ANO3: variants seen among roughly 807,000 people sequenced by gnomAD.
ANO3 encodes the protein anoctamin-3.
Under a neutral mutation model 144.8 loss-of-function variants are expected in ANO3, and 99 were observed. That is an observed-to-expected ratio of 0.68 (90% CI 0.58 to 0.81). The LOEUF (loss-of-function observed/expected upper bound fraction) is 0.81. Among genes scored for constraint, ANO3 ranks in the 30% least tolerant of loss-of-function variants. ANO3 has a pLI of 0.00. For synonymous variants in ANO3, 414 were observed against 392.6 expected (o/e 1.05, Z -0.64); for missense variants, 905 against 1,202.2 (o/e 0.75, Z 3.66).
At chr11:26,513,017 A>G (rs1397435884) in intron 5 of ANO3, among the ~76,000 whole-genome samples, 1 of 152,222 alleles carries the variant, frequency 6.6e-6, no homozygotes, top group Non-Finnish European at 1.5e-5. Flanking sequence ...AAAACAAAGA[A>G]TCTTCTCTCT....
At chr11:26,438,739 C>T (rs1430011811) in intron 1 of ANO3, among the ~76,000 whole-genome samples, 6 of 149,046 alleles carry the variant, frequency 4.0e-5, no homozygotes, top group African/African-American at 7.4e-5. Flanking sequence ...GATCGCACCA[C>T]TGCACTCCAA....
chr11:26,256,462 A>G (rs1402228544), intron 1 of ANO3, among the ~76,000 whole-genome samples: 1 of 152,152 alleles, frequency 6.6e-6, no homozygotes, highest in African/African-American at 2.4e-5. Flanking sequence ...TAGATTAATA[A>G]GAAACTTGGT....
At chr11:26,405,341 A>G (rs1177051948) in intron 1 of ANO3, among the ~76,000 whole-genome samples, 1 of 151,766 alleles carries the variant, frequency 6.6e-6, no homozygotes, top group Non-Finnish European at 1.5e-5. Flanking sequence ...CATCTCACAA[A>G]TTTCATTCTT....
intron 4 of ANO3, among the ~76,000 whole-genome samples, chr11:26,483,445 GATA>G (rs1300415248): frequency 6.6e-6 from 1 of 152,114 alleles, no homozygotes; most frequent in Non-Finnish European, 1.5e-5. Context: ...CTGTTCTCAT[GATA>G]ATGAGTTCTC....
intron 4 of ANO3, among the ~76,000 whole-genome samples, chr11:26,487,675 C>T (rs1313835657): frequency 3.3e-5 from 5 of 152,048 alleles, no homozygotes; most frequent in African/African-American, 7.2e-5. Flanking sequence ...GAGGTGGTCT[C>T]AGATGGAGAT....
chr11:26,624,439 CTATG>C lies in ANO3; in HGVS notation c.1837-19_1837-16del, dbSNP rs1565149942. On this transcript the variant is annotated intron_variant, in intron 17 of 26. Transcript: ENST00000256737. ...TTCCAAAAGAGAGGAATAATGTTCA[CTATG>C]TATTCTCTTTTATTACAGGCTTATG... 6.4e-7 allele frequency: 1 copy of C among 1,561,778 alleles called. No homozygotes were observed. The highest frequency in any genetic ancestry group is 8.8e-7 in the Non-Finnish European group (1 of 1,134,868).
chr11:26,475,004 T>C (rs1226381960), intron 4 of ANO3, among the ~76,000 whole-genome samples: 2 of 151,930 alleles, frequency 1.3e-5, no homozygotes, highest in African/African-American at 4.8e-5. Context: ...TCATAGTGTA[T>C]GCTTCATCAC....
At chr11:26,460,314 T>C (rs1387426242) in intron 3 of ANO3, among the ~76,000 whole-genome samples, 3 of 151,580 alleles carry the variant, frequency 2.0e-5, no homozygotes, top group Non-Finnish European at 4.4e-5. Flanking sequence ...GCACGTTTGT[T>C]ACATGGGTAA....
chr11:26,207,585 C>T (rs1851831157), intron 1 of ANO3, among the ~76,000 whole-genome samples: 1 of 151,912 alleles, frequency 6.6e-6, no homozygotes. Flanking sequence ...ATTTAATCCT[C>T]GTAACGACCA....
At chr11:26,571,312 A>G (rs758540303) in intron 14 of ANO3, among the ~76,000 whole-genome samples, 1 of 152,138 alleles carries the variant, frequency 6.6e-6, no homozygotes, top group Non-Finnish European at 1.5e-5. Context: ...ATAAATGGAA[A>G]TCAGCATCCT....
At chr11:26,356,147 A>G (rs745603112) in intron 1 of ANO3, among the ~76,000 whole-genome samples, 15 of 152,034 alleles carry the variant, frequency 9.9e-5, no homozygotes, top group Non-Finnish European at 2.1e-4. Context: ...CCACTCATCT[A>G]TATATTCCAA....
rs751558588 is a variant in ANO3, at chr11:26,541,938, C to G, written c.1033-9C>G. On this transcript the variant is annotated splice_polypyrimidine_tract_variant and intron_variant, in intron 10 of 26. Coordinates refer to ENST00000256737, the MANE Select transcript of ANO3 (RefSeq NM_031418.4). ...TAGAACCAAATGTATCTTACTTTATCTGTTGCAGGGAGCCTACAAAAGTAG... is the reference window on the plus strand; with the variant it reads ...TAGAACCAAATGTATCTTACTTTATGTGTTGCAGGGAGCCTACAAAAGTAG... The G allele has an allele frequency of 1.7e-5, 28 of 1,603,460 alleles. No homozygotes were observed. The Admixed American group carries it at 4.8e-4, about 28-fold the overall frequency.
At chr11:26,539,946 T>A (rs11823219) in intron 10 of ANO3, among the ~76,000 whole-genome samples, 32,302 of 152,098 alleles carry the variant, frequency 0.21, 3,655 homozygotes, top group South Asian at 0.29. Context: ...GATAGAGCCA[T>A]ACATTGGAGT....
intron 1 of ANO3, among the ~76,000 whole-genome samples, chr11:26,237,243 CAACCTACAAAATCTTTTGT>C (rs2133807878): frequency 2.0e-5 from 3 of 152,200 alleles, no homozygotes; most frequent in African/African-American, 7.2e-5. Context: ...TAAATTTTTA[CAACCTACAAAATCTTTTGT>C]AACCTGCAAA....
At chr11:26,538,645 G>C (rs1565089904) in intron 10 of ANO3, among the ~76,000 whole-genome samples, 1 of 152,074 alleles carries the variant, frequency 6.6e-6, no homozygotes, top group Non-Finnish European at 1.5e-5. Context: ...TACATAATTA[G>C]GCTGAGTTCT....
intron 4 of ANO3, among the ~76,000 whole-genome samples, chr11:26,474,822 A>T (rs576141656): frequency 3.9e-5 from 6 of 152,012 alleles, no homozygotes; most frequent in South Asian, 2.1e-4. Flanking sequence ...AGTGTTCTTT[A>T]TGAAAAATAA....
intron 1 of ANO3, among the ~76,000 whole-genome samples, chr11:26,205,116 C>G (rs762564971): frequency 3.9e-5 from 6 of 152,116 alleles, no homozygotes; most frequent in South Asian, 4.1e-4. Context: ...CTCACTATCA[C>G]GAGAACAGCA....
intron 1 of ANO3, among the ~76,000 whole-genome samples, chr11:26,293,636 G>T (rs113288029): frequency 7.0e-6 from 1 of 143,740 alleles, no homozygotes; most frequent in Non-Finnish European, 1.5e-5. Context: ...AAAACGCAAA[G>T]ATCATTTTAT....
intron 11 of ANO3, among the ~76,000 whole-genome samples, chr11:26,545,368 C>G (rs1849759719): frequency 6.6e-6 from 1 of 151,960 alleles, no homozygotes; most frequent in Non-Finnish European, 1.5e-5. Context: ...TATAAATAAC[C>G]ATTTCTGGAC....
Sources: allele counts gnomAD v4.1 joint callset (sites outside exome capture counted in the v4.1 genomes callset), GRCh38; gene constraint gnomAD v4.1.1; transcripts MANE v1.5; gene names NCBI Gene and HGNC (gene_info 2026-07-23, HGNC 2026-07-21).